Variants in COLQ observed in about 807,000 individuals in gnomAD.
COLQ encodes the protein acetylcholinesterase collagenic tail peptide.
Under a neutral mutation model 69.0 loss-of-function variants are expected in COLQ, and 48 were observed. The observed-to-expected ratio is 0.70, with a 90% confidence interval of 0.55 to 0.88. The LOEUF is 0.88. Among genes scored for constraint, COLQ ranks in the 40% least tolerant of loss-of-function variants. COLQ has a pLI of 0.00. For synonymous variants in COLQ, 217 were observed against 211.2 expected (o/e 1.03, Z -0.24); for missense variants, 618 against 594.6 (o/e 1.04, Z -0.41).
At chr3:15,459,771 G>A (rs551404514) in intron 12 of COLQ, among the ~76,000 whole-genome samples, 19 of 150,436 alleles carry the variant, frequency 1.3e-4, no homozygotes, top group South Asian at 6.4e-4. Flanking sequence ...GAGCTGCCGC[G>A]CCTGGTCAGG....
At position 15,489,582 on chromosome 3, in the gene COLQ, C is replaced by T. The variant is rs778242187; in HGVS notation, c.162G>A (p.Leu54=). 6.2e-7 allele frequency: 1 copy of T among 1,614,208 alleles called. No homozygotes were observed. The highest frequency in any genetic ancestry group is 2.2e-5 in the East Asian group (1 of 44,886). The part of the protein sequence containing the change: ...KRGGHKACCL[L]TPPPPPLFPP... ...GGAACAGTGGTGGTGGAGGAGGCGT[C>T]AGCAGGCAGCATGCTTTGTGGCCAC... is the stretch of plus-strand genomic sequence containing the variant. Residue 54 remains leucine, a synonymous_variant, in exon 2 of 17, where the codon CTG becomes CTA. Coordinates refer to ENST00000383788, the MANE Select transcript of COLQ (RefSeq NM_005677.4).
chr3:15,452,181 C>T (rs1454697863), intron 16 of COLQ, among the ~76,000 whole-genome samples: 1 of 151,890 alleles, frequency 6.6e-6, no homozygotes, highest in Non-Finnish European at 1.5e-5. Flanking sequence ...ATTGTCCTGC[C>T]TCAGCTTCCT....
rs1020708993 is a variant in COLQ at position 15,473,154 on chromosome 3, CTATT to C, written c.636+842_636+845del. 6.6e-6 allele frequency among the ~76,000 whole-genome samples: 1 copy of C among 150,724 alleles called. No homozygotes were observed. Among genetic ancestry groups the C allele is most frequent in the African/African-American group, 2.4e-5 (1 of 40,924 alleles). On this transcript the variant is annotated intron_variant, in intron 10 of 16. Transcript: ENST00000383788. The surrounding 1 kb of genome is among the most constrained non-coding windows in gnomAD (Gnocchi z 4.0). Reference sequence around the variant, plus strand: ...AGCAAGATATCCATTAAATATTTAACTATTTATTTATTTATTGAGACAGGGTCTG... The same window carrying C: ...AGCAAGATATCCATTAAATATTTAACTATTTATTTATTGAGACAGGGTCTG...
chr3:15,452,102 TG>T (rs1482146792), intron 16 of COLQ, among the ~76,000 whole-genome samples: 1 of 151,638 alleles, frequency 6.6e-6, no homozygotes, highest in Non-Finnish European at 1.5e-5. Context: ...AGTTTCGCTC[TG>T]TCCCCCAGGC....
At chr3:15,511,393 C>T (rs926931328) in intron 1 of COLQ, among the ~76,000 whole-genome samples, 1 of 152,224 alleles carries the variant, frequency 6.6e-6, no homozygotes, top group African/African-American at 2.4e-5. Context: ...CCAGCCAATG[C>T]ACTCTTATTC....
At chr3:15,514,958 C>A (rs529377098) in intron 1 of COLQ, among the ~76,000 whole-genome samples, 1 of 152,268 alleles carries the variant, frequency 6.6e-6, no homozygotes, top group African/African-American at 2.4e-5. Context: ...AATGTTAAAG[C>A]ATTCAATTTT....
At chr3:15,508,418 C>T (rs111588263) in intron 1 of COLQ, among the ~76,000 whole-genome samples, 4 of 152,314 alleles carry the variant, frequency 2.6e-5, no homozygotes, top group African/African-American at 9.6e-5. Context: ...CTGACTTGAA[C>T]ATAGATGGGT....
intron 1 of COLQ, among the ~76,000 whole-genome samples, chr3:15,513,253 C>T (rs902129537): frequency 6.6e-5 from 10 of 152,272 alleles, no homozygotes; most frequent in Middle Eastern, 6.8e-3. Context: ...TCCAGAGAGG[C>T]GATGGAGGCA....
intron 12 of COLQ, among the ~76,000 whole-genome samples, chr3:15,460,638 G>A (rs920902406): frequency 1.7e-4 from 26 of 152,178 alleles, no homozygotes; most frequent in African/African-American, 4.8e-5. Flanking sequence ...ACAGGTATTC[G>A]TACAATCAGA....
chr3:15,464,122 AG>A (rs2062162467), intron 12 of COLQ, among the ~76,000 whole-genome samples: 2 of 127,426 alleles, frequency 1.6e-5, no homozygotes, highest in South Asian at 4.9e-4. Context: ...CTGGTATATG[AG>A]GAGTATGAGG....
At chr3:15,456,411 T>C (rs772934171) in intron 14 of COLQ, 49 bp downstream of exon 14, 2 of 1,610,642 alleles carry the variant, frequency 1.2e-6, no homozygotes, top group Non-Finnish European at 1.7e-6. Context: ...AATGGATGCA[T>C]CTCTCTCCTG....
intron 1 of COLQ, among the ~76,000 whole-genome samples, chr3:15,501,882 C>T (rs2062835242): frequency 6.6e-6 from 1 of 152,206 alleles, no homozygotes; most frequent in Non-Finnish European, 1.5e-5. Flanking sequence ...CCCACTTGTC[C>T]TTGTTGTAAT....
At chr3:15,501,592 T>C (rs911386988) in intron 1 of COLQ, among the ~76,000 whole-genome samples, 3 of 152,228 alleles carry the variant, frequency 2.0e-5, no homozygotes, top group Admixed American at 2.0e-4. Flanking sequence ...CTGACAACCA[T>C]TCTTTCCTCG....
intron 5 of COLQ, among the ~76,000 whole-genome samples, chr3:15,478,089 G>A (rs936803364): frequency 6.6e-5 from 10 of 152,334 alleles, no homozygotes; most frequent in Middle Eastern, 3.4e-3. Flanking sequence ...GGTTTCTACT[G>A]TTGCCTCCCA....
intron 1 of COLQ, among the ~76,000 whole-genome samples, chr3:15,497,667 G>A (rs545750426): frequency 2.6e-5 from 4 of 152,180 alleles, no homozygotes; most frequent in East Asian, 1.9e-4. Flanking sequence ...TCCTCTTTTG[G>A]GGCCTTTCCC....
At chr3:15,457,623 C>CTTTTTTTTTTT (rs10643789) in intron 13 of COLQ, among the ~76,000 whole-genome samples, 8 of 150,402 alleles carry the variant, frequency 5.3e-5, no homozygotes, top group African/African-American at 1.7e-4. Context: ...CAAAGTATAA[C>CTTTTTTTTTTT]TTTTTTTGAG....
chr3:15,474,832 A>T, intron 8 of COLQ, 93 bp downstream of exon 8: 1 of 1,443,506 alleles, frequency 6.9e-7, no homozygotes, highest in South Asian at 1.1e-5. Context: ...TTGCAGACTA[A>T]AGAGAGACCT....
intron 10 of COLQ, among the ~76,000 whole-genome samples, chr3:15,471,435 T>C (rs1489142781): frequency 6.6e-6 from 1 of 152,242 alleles, no homozygotes; most frequent in African/African-American, 2.4e-5. Context: ...TTCTTCTACA[T>C]GGATTCCAGC....
At chr3:15,503,031 C>A (rs144764669) in intron 1 of COLQ, among the ~76,000 whole-genome samples, 1 of 152,282 alleles carries the variant, frequency 6.6e-6, no homozygotes, top group East Asian at 1.9e-4. Flanking sequence ...GGTCAGAGTT[C>A]CAAAGGCACC....
Sources: allele counts gnomAD v4.1 joint callset (sites outside exome capture counted in the v4.1 genomes callset), GRCh38; gene constraint gnomAD v4.1.1; non-coding constraint Gnocchi (gnomAD v3.1); transcripts MANE v1.5; gene names NCBI Gene and HGNC (gene_info 2026-07-23, HGNC 2026-07-21).